PPP2R2A: variants seen among roughly 807,000 people sequenced by gnomAD.
PPP2R2A encodes the protein serine/threonine-protein phosphatase 2A 55 kDa regulatory subunit B alpha isoform.
A neutral mutation model predicts 53.2 loss-of-function variants in PPP2R2A; 9 were observed. The ratio of observed to expected loss-of-function variants is 0.17; its 90% CI spans 0.10 to 0.30. The LOEUF is 0.30. PPP2R2A is among the 10% of genes least tolerant of loss of function. PPP2R2A has a pLI of 1.00. For missense variants in PPP2R2A, 235 were observed against 534.6 expected (o/e 0.44, Z 5.53); for synonymous variants, 169 against 174.2 (o/e 0.97, Z 0.23).
intron 2 of PPP2R2A, among the ~76,000 whole-genome samples, chr8:26,302,219 A>G (rs972067558): frequency 1.3e-5 from 2 of 152,224 alleles, no homozygotes; most frequent in African/African-American, 4.8e-5. Context: ...AGAACAGTGA[A>G]ACTGATACTT....
chr8:26,333,508 C>G (rs1397254683), intron 2 of PPP2R2A: 12 of 1,230,338 alleles, frequency 9.8e-6, no homozygotes, highest in Non-Finnish European at 1.3e-5. Flanking sequence ...AGACATAGTC[C>G]TCAAGTGGAA....
chr8:26,345,012 A>G (rs1196730920), intron 3 of PPP2R2A, among the ~76,000 whole-genome samples: 1 of 152,204 alleles, frequency 6.6e-6, no homozygotes, highest in East Asian at 1.9e-4. Context: ...AGATAATTAT[A>G]CAACATTTTA....
Position 26,370,010 on chromosome 8 carries a change from C to T in PPP2R2A, c.1065-124C>T, listed in dbSNP as rs1805591530. ...CTAGTGATTGAGTTGATGTCAACAG[C>T]CCCTGTCCCTTAGTTTAAATCTGCT... On this transcript the variant is annotated intron_variant, in intron 9 of 9. Coordinates refer to ENST00000380737, the MANE Select transcript of PPP2R2A (RefSeq NM_002717.4). The surrounding 1 kb of genome is among the most constrained non-coding windows in gnomAD (Gnocchi z 6.1). The T allele has an allele frequency of 4.3e-6, 4 of 925,764 alleles. No homozygotes were observed. Among genetic ancestry groups the T allele is most frequent in the Non-Finnish European group, 6.5e-6 (4 of 613,998 alleles). The allele number at this position is 925,764 out of a possible 1,614,324, so 57.3% of individuals were successfully genotyped here. A position where few individuals can be genotyped will look rare whatever the true frequency, so the allele number is the denominator to read the frequency against.
chr8:26,322,712 T>C (rs1802902382), intron 2 of PPP2R2A, among the ~76,000 whole-genome samples: 1 of 152,160 alleles, frequency 6.6e-6, no homozygotes, highest in South Asian at 2.1e-4. Context: ...AACTTACATA[T>C]AAAAGTAGGG....
chr8:26,296,177 T>C (rs1404594535), intron 2 of PPP2R2A, among the ~76,000 whole-genome samples: 1 of 152,250 alleles, frequency 6.6e-6, no homozygotes, highest in Non-Finnish European at 1.5e-5. Context: ...TTCTTCGTCC[T>C]GTTTTGCTTC....
intron 2 of PPP2R2A, chr8:26,333,364 T>G: frequency 3.3e-6 from 1 of 300,898 alleles, no homozygotes; most frequent in Non-Finnish European, 5.4e-6. Context: ...CTGTTTTCAT[T>G]TGACAGCTTT....
chr8:26,347,329 A>G (rs2117356377), intron 3 of PPP2R2A, among the ~76,000 whole-genome samples: 1 of 152,118 alleles, frequency 6.6e-6, no homozygotes, highest in African/African-American at 2.4e-5. Flanking sequence ...TTGGTTGTTG[A>G]TAGAACTGGG....
At chr8:26,333,590 G>C in intron 2 of PPP2R2A, 1 of 1,071,986 alleles carries the variant, frequency 9.3e-7, no homozygotes, top group Non-Finnish European at 1.2e-6. Context: ...GAATGCCAAG[G>C]CTACTAATAA....
In PPP2R2A at chr8:26,370,277, G is replaced by A; in HGVS notation, c.1208G>A (p.Arg403Gln). The change falls in exon 10 of 10, where the codon CGA becomes CAA. Residue 403 changes from arginine (R) to glutamine (Q), a missense_variant. Physicochemically the swap from Arg to Gln is conservative, Grantham distance 43. This residue lies in a region of PPP2R2A where 181 missense variants were observed against 409.9 expected (regional missense o/e 0.44). Transcript: ENST00000380737. The surrounding 1 kb of genome is among the most constrained non-coding windows in gnomAD (Gnocchi z 6.1). ...KPRKVCASGKRKKDEISVDSL... is the reference protein window; with the variant it reads ...KPRKVCASGKQKKDEISVDSL... Reference sequence around the variant, plus strand: ...CGCAAAGTCTGTGCAAGTGGCAAGCGAAAGAAAGATGAAATAAGTGTTGAC... The same window carrying A: ...CGCAAAGTCTGTGCAAGTGGCAAGCAAAAGAAAGATGAAATAAGTGTTGAC... 2 of 1,614,072 alleles carry A rather than the reference G, an allele frequency of 1.2e-6. No individual in the cohort carries two copies. The highest frequency in any genetic ancestry group is 8.5e-7 in the Non-Finnish European group (1 of 1,179,994).
intron 2 of PPP2R2A, among the ~76,000 whole-genome samples, chr8:26,307,447 A>G (rs1387115227): frequency 6.6e-6 from 1 of 152,238 alleles, no homozygotes; most frequent in Non-Finnish European, 1.5e-5. Flanking sequence ...TCCTAAAGAC[A>G]TAATGTGTGT....
At position 26,338,553 on chromosome 8, in the gene PPP2R2A, A is replaced by G. The variant is rs1803782218; in HGVS notation, c.83-337A>G. ...ACAAGCTTATCAAATGTATATAAGA[A>G]AATTAGCAAGATAATGTTTAAGGGT... On this transcript the variant is annotated intron_variant, in intron 2 of 9. Transcript: ENST00000380737. The surrounding 1 kb of genome is among the most constrained non-coding windows in gnomAD (Gnocchi z 4.5). 6.6e-6 allele frequency among the ~76,000 whole-genome samples: 1 copy of G among 152,250 alleles called. No individual in the cohort carries two copies. The highest frequency in any genetic ancestry group is 1.5e-5 in the Non-Finnish European group (1 of 68,044).
rs368954336 is a variant in PPP2R2A, at chr8:26,313,441, C to G, written c.82+19701C>G. On this transcript the variant is annotated intron_variant, in intron 2 of 9. Transcript: ENST00000380737. ...GGTCCGCTAGGCTCTTCCTACTGCT[C>G]CTCCCAGCTTTCTTGGTGTTGTTAC... Among the ~76,000 whole-genome samples, 35 of 152,302 alleles carry G rather than the reference C, an allele frequency of 2.3e-4. No individual in the cohort carries two copies. The East Asian group carries it at 2.3e-3, about 10-fold the overall frequency.
chr8:26,350,221 G>C (rs1244858680), intron 3 of PPP2R2A, among the ~76,000 whole-genome samples: 1 of 151,962 alleles, frequency 6.6e-6, no homozygotes, highest in African/African-American at 2.4e-5. Flanking sequence ...GCACCACCAT[G>C]CCCAGCTAAA....
chr8:26,330,361 G>A (rs1192493385), intron 2 of PPP2R2A, among the ~76,000 whole-genome samples: 1 of 145,500 alleles, frequency 6.9e-6, no homozygotes, highest in African/African-American at 2.6e-5. Flanking sequence ...CCAGGCTGGA[G>A]TGCAATGGCA....
chr8:26,291,872 T>C, intron 1 of PPP2R2A, 46 bp downstream of exon 1: 1 of 1,604,692 alleles, frequency 6.2e-7, no homozygotes, highest in Non-Finnish European at 8.5e-7. Context: ...ACCGCTTCCT[T>C]ATTCCTCCCT....
At chr8:26,309,162 A>G (rs890728570) in intron 2 of PPP2R2A, among the ~76,000 whole-genome samples, 6 of 152,196 alleles carry the variant, frequency 3.9e-5, no homozygotes, top group East Asian at 1.9e-4. Context: ...TGCGCAGCCT[A>G]TATTTCTTTA....
chr8:26,348,067 A>G (rs1804309829), intron 3 of PPP2R2A, among the ~76,000 whole-genome samples: 1 of 152,204 alleles, frequency 6.6e-6, no homozygotes, highest in Admixed American at 6.5e-5. Context: ...CTCTTTTAAA[A>G]TACTTTTATA....
chr8:26,333,023 T>C (rs779298128), intron 2 of PPP2R2A, among the ~76,000 whole-genome samples: 3 of 152,234 alleles, frequency 2.0e-5, no homozygotes, highest in Non-Finnish European at 4.4e-5. Flanking sequence ...CATATTACAG[T>C]GATGTTATAA....
At chr8:26,314,664 C>T (rs1821391) in intron 2 of PPP2R2A, among the ~76,000 whole-genome samples, 9,657 of 152,080 alleles carry the variant, frequency 0.063, 466 homozygotes, top group East Asian at 0.25. Context: ...TGTTAGCTTC[C>T]GGTGTTACAT....
Sources: gnomAD v4.1 joint callset for allele counts (sites outside exome capture counted in the v4.1 genomes callset) on GRCh38, gnomAD v4.1.1 for gene constraint, gnomAD v4.1.1 regional missense constraint, Gnocchi (gnomAD v3.1) non-coding constraint, MANE v1.5 for transcripts, NCBI Gene and HGNC (gene_info 2026-07-23, HGNC 2026-07-21) for gene names.